ADAMTS18: variants seen among roughly 807,000 people sequenced by gnomAD.
ADAMTS18 encodes ADAM metallopeptidase with thrombospondin type 1 motif 18.
A neutral mutation model predicts 165.9 loss-of-function variants in ADAMTS18; 157 were observed. The observed-to-expected ratio is 0.95, with a 90% CI of 0.83 to 1.08. The LOEUF (loss-of-function observed/expected upper bound fraction) is 1.08. Among genes scored for constraint, ADAMTS18 ranks in the 50% least tolerant of loss-of-function variants. ADAMTS18 has a pLI of 0.00. For missense variants in ADAMTS18, 2,040 were observed against 1,534.0 expected (o/e 1.33, Z -5.51); for synonymous variants, 782 against 578.2 (o/e 1.35, Z -5.06).
At chr16:77,342,411 A>G (rs1222416669) in intron 10 of ADAMTS18, among the ~76,000 whole-genome samples, 1 of 152,040 alleles carries the variant, frequency 6.6e-6, no homozygotes, top group Non-Finnish European at 1.5e-5. Flanking sequence ...TCAAGGTCCT[A>G]TATGTGCTTA....
chr16:77,335,740 T>C lies in ADAMTS18; in HGVS notation c.1859+16A>G. ...GTTAAGGCCTTGCAAAGACTAACTT[T>C]CTGCTGGAGGCTTACTTGGGGTTAT... On this transcript the variant is annotated intron_variant, in intron 12 of 22. Transcript: ENST00000282849. The C allele has an allele frequency of 6.2e-7, 1 of 1,614,198 alleles. No homozygotes were observed. Among genetic ancestry groups the C allele is most frequent in the African/African-American group, 1.3e-5 (1 of 75,062 alleles).
chr16:77,422,987 AC>A (rs2057623332), intron 3 of ADAMTS18, among the ~76,000 whole-genome samples: 1 of 152,108 alleles, frequency 6.6e-6, no homozygotes, highest in East Asian at 1.9e-4. Context: ...GAGGACAATG[AC>A]TCTGAGTCCC....
intron 22 of ADAMTS18, among the ~76,000 whole-genome samples, chr16:77,286,324 A>ACTTTC (rs1419653234): frequency 6.6e-6 from 1 of 151,848 alleles, no homozygotes; most frequent in Non-Finnish European, 1.5e-5. Context: ...CTGCTACTTT[A>ACTTTC]CTTTCTGACA....
At chr16:77,429,869 G>C (rs762270537) in intron 3 of ADAMTS18, among the ~76,000 whole-genome samples, 1 of 152,140 alleles carries the variant, frequency 6.6e-6, no homozygotes, top group Non-Finnish European at 1.5e-5. Flanking sequence ...ACTGCCCTGT[G>C]ATGTAAACTC....
intron 11 of ADAMTS18, among the ~76,000 whole-genome samples, chr16:77,338,821 G>A (rs1231184966): frequency 6.6e-6 from 1 of 151,832 alleles, no homozygotes; most frequent in Admixed American, 6.6e-5. Context: ...GGGCGTGGTG[G>A]CGGGCACCTG....
At chr16:77,410,898 T>C (rs1038118856) in intron 3 of ADAMTS18, among the ~76,000 whole-genome samples, 2 of 152,192 alleles carry the variant, frequency 1.3e-5, no homozygotes, top group African/African-American at 4.8e-5. Flanking sequence ...CTTTTTATCA[T>C]CAAACTTCAC....
intron 22 of ADAMTS18, 69 bp downstream of exon 22, chr16:77,289,195 T>C (rs1398849746): frequency 6.3e-7 from 1 of 1,588,452 alleles, no homozygotes; most frequent in Admixed American, 1.7e-5. Flanking sequence ...GCTGCACTAC[T>C]AACAAAGTAG....
At position 77,289,388 on chromosome 16, in the gene ADAMTS18, C is replaced by G; in HGVS notation, c.3426G>C (p.Gly1142=). 6.2e-7 allele frequency: 1 copy of G among 1,613,980 alleles called. No homozygotes were observed. Among genetic ancestry groups the G allele is most frequent in the Non-Finnish European group, 8.5e-7 (1 of 1,179,982 alleles). The change falls in exon 22 of 23, where the codon GGG becomes GGC. Residue 1142 remains glycine, a synonymous_variant. Transcript: ENST00000282849. ...CACAGTGGACTGACCGGGTCTGGAC[C>G]CCTCCCCCACAGGTGACTGTGCACT... ...WQQCTVTCGG[G]VQTRSVHCVQ... is the part of the protein sequence containing the mutation.
At chr16:77,300,769 C>G (rs528926996) in intron 16 of ADAMTS18, among the ~76,000 whole-genome samples, 1 of 152,068 alleles carries the variant, frequency 6.6e-6, no homozygotes, top group Non-Finnish European at 1.5e-5. Context: ...ACTTAAAAAC[C>G]TAGCATGGTG....
At chr16:77,431,872 A>T in intron 2 of ADAMTS18, 1 of 540,356 alleles carries the variant, frequency 1.9e-6, no homozygotes. Context: ...GGAAAAATGT[A>T]ACACCTCTCA....
chr16:77,299,903 T>G (rs1480122560), intron 17 of ADAMTS18: 1 of 158,454 alleles, frequency 6.3e-6, no homozygotes, highest in Non-Finnish European at 1.4e-5. Context: ...GGAAGGTTAA[T>G]AATGACAGAA....
intron 13 of ADAMTS18, among the ~76,000 whole-genome samples, chr16:77,323,517 T>C (rs62044891): frequency 0.32 from 49,160 of 151,556 alleles, 8,571 homozygotes; most frequent in East Asian, 0.61. Flanking sequence ...CCCTTTCTTT[T>C]CTCTATCATT....
At chr16:77,367,362 G>C in intron 4 of ADAMTS18, 79 bp downstream of exon 4, 2 of 1,568,182 alleles carry the variant, frequency 1.3e-6, no homozygotes, top group Non-Finnish European at 1.7e-6. Context: ...GACTTGCAAA[G>C]CTTGTACACC....
At chr16:77,345,103 C>T (rs1432983305) in intron 10 of ADAMTS18, among the ~76,000 whole-genome samples, 2 of 152,044 alleles carry the variant, frequency 1.3e-5, no homozygotes, top group East Asian at 3.9e-4. Context: ...GGAAAGAGTC[C>T]CAATGCTATC....
At chr16:77,390,644 C>T (rs1487103327) in intron 3 of ADAMTS18, among the ~76,000 whole-genome samples, 1 of 151,086 alleles carries the variant, frequency 6.6e-6, no homozygotes, top group African/African-American at 2.4e-5. Context: ...GAGTGGAGAT[C>T]GCACCACTGC....
chr16:77,314,439 C>T (rs1001863893), intron 16 of ADAMTS18, among the ~76,000 whole-genome samples: 2 of 151,550 alleles, frequency 1.3e-5, no homozygotes, highest in African/African-American at 4.9e-5. Context: ...GAAACCCCAT[C>T]TCTACTAAAA....
intron 15 of ADAMTS18, among the ~76,000 whole-genome samples, chr16:77,320,338 C>T (rs986393516): frequency 6.6e-6 from 1 of 152,100 alleles, no homozygotes; most frequent in Non-Finnish European, 1.5e-5. Flanking sequence ...AGAACAAATA[C>T]ACTCTTCTCC....
At chr16:77,393,174 T>A (rs1375929856) in intron 3 of ADAMTS18, among the ~76,000 whole-genome samples, 1 of 152,136 alleles carries the variant, frequency 6.6e-6, no homozygotes, top group Non-Finnish European at 1.5e-5. Flanking sequence ...GAGCAGAACA[T>A]GACTTGTTCA....
At chr16:77,329,605 G>C (rs917245894) in intron 12 of ADAMTS18, among the ~76,000 whole-genome samples, 9 of 152,092 alleles carry the variant, frequency 5.9e-5, no homozygotes, top group African/African-American at 2.2e-4. Flanking sequence ...TTTGTATTGA[G>C]TACCCACCCT....
Sources: allele counts gnomAD v4.1 joint callset (sites outside exome capture counted in the v4.1 genomes callset), GRCh38; gene constraint gnomAD v4.1.1; transcripts MANE v1.5; gene names NCBI Gene and HGNC (gene_info 2026-07-23, HGNC 2026-07-21).